The following ZNF407 variants were observed in gnomAD, a reference collection of about 807,000 sequenced individuals.
The protein encoded by ZNF407 is zinc finger protein 407.
Under a neutral mutation model 131.2 loss-of-function variants are expected in ZNF407, and 17 were observed. The observed-to-expected ratio is 0.13, with a 90% CI of 0.09 to 0.19. The LOEUF (loss-of-function observed/expected upper bound fraction) is 0.19. Among genes scored for constraint, ZNF407 ranks in the 10% least tolerant of loss-of-function variants. ZNF407 has a pLI of 1.00. For missense variants in ZNF407, 2,681 were observed against 2,830.6 expected (o/e 0.95, Z 1.20); for synonymous variants, 1,156 against 1,062.0 (o/e 1.09, Z -1.72).
At position 74,803,946 on chromosome 18, in the gene ZNF407, G is replaced by C. The variant is rs574501904; in HGVS notation, c.4877+22444G>C. The C allele has an allele frequency of 2.6e-6, 4 of 1,550,188 alleles. No individual in the cohort carries two copies. In the African/African-American group the frequency reaches 4.1e-5, roughly 16 times the overall value. On this transcript the variant is annotated intron_variant, in intron 4 of 8. Transcript: ENST00000299687. ...AAACATGAAGCAATTTAACAAACTT[G>C]ATTGTCCTTGGCTTCAGAGTAAAGG...
At chr18:74,777,463 T>C (rs1969496675) in intron 3 of ZNF407, among the ~76,000 whole-genome samples, 1 of 152,174 alleles carries the variant, frequency 6.6e-6, no homozygotes, top group Non-Finnish European at 1.5e-5. Context: ...GTTGGCCTCC[T>C]GTTCCACGGG....
At chr18:74,623,343 A>AGTGT (rs1983643593) in intron 1 of ZNF407, among the ~76,000 whole-genome samples, 1 of 150,176 alleles carries the variant, frequency 6.7e-6, no homozygotes, top group Non-Finnish European at 1.5e-5. Flanking sequence ...TGCATGTGTG[A>AGTGT]GTGTGAGTGC....
At chr18:74,616,314 A>C (rs1983287185) in intron 1 of ZNF407, among the ~76,000 whole-genome samples, 1 of 152,214 alleles carries the variant, frequency 6.6e-6, no homozygotes, top group African/African-American at 2.4e-5. Context: ...TGTACTAGGA[A>C]AGGTATAATT....
intron 8 of ZNF407, among the ~76,000 whole-genome samples, chr18:75,058,568 G>A (rs190323361): frequency 2.5e-4 from 38 of 152,262 alleles, no homozygotes; most frequent in African/African-American, 7.0e-4. Flanking sequence ...TAAAGGTACC[G>A]TAATACAAAT....
chr18:74,953,921 C>T (rs4243292), intron 8 of ZNF407, among the ~76,000 whole-genome samples: 20,732 of 151,790 alleles, frequency 0.14, 1,650 homozygotes, highest in Admixed American at 0.26. Context: ...TAATGGGAGG[C>T]GAGAAAAAAC....
intron 7 of ZNF407, 41 bp downstream of exon 7, chr18:74,890,079 C>G: frequency 6.9e-7 from 1 of 1,446,392 alleles, no homozygotes. Flanking sequence ...GGTGGGCCGC[C>G]ATGATGGATT....
At chr18:74,802,233 C>T (rs1458945155) in intron 4 of ZNF407, among the ~76,000 whole-genome samples, 2 of 152,052 alleles carry the variant, frequency 1.3e-5, no homozygotes, top group African/African-American at 2.4e-5. Flanking sequence ...GGCATTATTC[C>T]ATGTCAATTT....
At chr18:74,663,889 A>G (rs1985821642) in intron 3 of ZNF407, among the ~76,000 whole-genome samples, 6 of 152,218 alleles carry the variant, frequency 3.9e-5, no homozygotes, top group Admixed American at 3.9e-4. Flanking sequence ...CCAGATGACC[A>G]AACTACGGCC....
intron 3 of ZNF407, among the ~76,000 whole-genome samples, chr18:74,720,911 A>AGT (rs1968016787): frequency 7.0e-6 from 1 of 143,296 alleles, no homozygotes; most frequent in East Asian, 2.1e-4. Flanking sequence ...GAAGTCTGGT[A>AGT]GTGCGATACC....
intron 4 of ZNF407, among the ~76,000 whole-genome samples, chr18:74,822,686 A>T (rs1476635141): frequency 6.6e-6 from 1 of 152,198 alleles, no homozygotes; most frequent in Non-Finnish European, 1.5e-5. Flanking sequence ...TATAATTTGA[A>T]GTCAGGTAGC....
intron 8 of ZNF407, among the ~76,000 whole-genome samples, chr18:74,934,467 C>T (rs566824036): frequency 8.1e-4 from 123 of 152,254 alleles, no homozygotes; most frequent in African/African-American, 2.8e-3. Context: ...GAAACAACAT[C>T]GCAAGCTAAA....
intron 3 of ZNF407, among the ~76,000 whole-genome samples, chr18:74,741,371 TATAC>T (rs990820223): frequency 6.6e-6 from 1 of 152,130 alleles, no homozygotes; most frequent in African/African-American, 2.4e-5. Context: ...TACATATACA[TATAC>T]ATAAGTAAAT....
intron 8 of ZNF407, among the ~76,000 whole-genome samples, chr18:75,043,406 G>C (rs946461913): frequency 2.0e-5 from 3 of 152,164 alleles, no homozygotes; most frequent in Non-Finnish European, 4.4e-5. Context: ...CTACATAACA[G>C]CCTGCCAGAT....
In ZNF407 at chr18:74,908,636, C is replaced by T. The variant is rs1030080855; in HGVS notation, c.5250-11878C>T. ...GTTCTTTATTCTTGTAGCTTTTAAC[C>T]GATTTTAAATTTAAACAGCACAAAT... On this transcript the variant is annotated intron_variant, in intron 7 of 8. Transcript: ENST00000299687. Among the ~76,000 whole-genome samples, 10 of 152,116 alleles carry T rather than the reference C, an allele frequency of 6.6e-5. No homozygotes were observed. The South Asian group carries it at 1.0e-3, about 16-fold the overall frequency.
At chr18:74,989,451 C>T (rs1972692402) in intron 8 of ZNF407, among the ~76,000 whole-genome samples, 1 of 152,232 alleles carries the variant, frequency 6.6e-6, no homozygotes, top group African/African-American at 2.4e-5. Context: ...GTATATCACA[C>T]AGACCTCATA....
At chr18:74,739,837 A>G (rs1364297240) in intron 3 of ZNF407, among the ~76,000 whole-genome samples, 2 of 152,166 alleles carry the variant, frequency 1.3e-5, no homozygotes, top group Admixed American at 1.3e-4. Flanking sequence ...GAATTAGGGG[A>G]AATTCTATAC....
Position 75,048,049 on chromosome 18 carries a change from A to G in ZNF407, c.5429-15101A>G, listed in dbSNP as rs754307545. On this transcript the variant is annotated intron_variant, in intron 8 of 8. Coordinates refer to ENST00000299687, the MANE Select transcript of ZNF407 (RefSeq NM_017757.3). The surrounding 1 kb of genome is among the most constrained non-coding windows in gnomAD (Gnocchi z 4.1). ...CAGACAGCCTTATATTGGTTTTTATATAGAATATGGCACGTGTTGGTATTC... is the reference window on the plus strand; with the variant it reads ...CAGACAGCCTTATATTGGTTTTTATGTAGAATATGGCACGTGTTGGTATTC... Among the ~76,000 whole-genome samples the G allele has an allele frequency of 2.0e-5, 3 of 152,202 alleles. No individual in the cohort carries two copies. The highest frequency in any genetic ancestry group is 6.5e-5 in the Admixed American group (1 of 15,280).
chr18:74,769,070 C>T (rs914833464), intron 3 of ZNF407, among the ~76,000 whole-genome samples: 1 of 152,116 alleles, frequency 6.6e-6, no homozygotes, highest in Admixed American at 6.5e-5. Context: ...GTGCTAGGCA[C>T]TACAGTAAGT....
In ZNF407 at chr18:75,024,634, T is replaced by G. The variant is rs115519123; in HGVS notation, c.5429-38516T>G. On this transcript the variant is annotated intron_variant, in intron 8 of 8. Coordinates refer to ENST00000299687, the MANE Select transcript of ZNF407 (RefSeq NM_017757.3). ...GTAATGGTGTATATTTTTAAAGGAA[T>G]TATCTTGAATAATTTCATCTCATAG... Among the ~76,000 whole-genome samples the G allele has an allele frequency of 3.5e-3, 534 of 152,346 alleles. 4 individuals carry two copies. Among genetic ancestry groups the G allele is most frequent in the African/African-American group, 0.012 (502 of 41,580 alleles).
Sources: allele counts gnomAD v4.1 joint callset (sites outside exome capture counted in the v4.1 genomes callset), GRCh38; gene constraint gnomAD v4.1.1; non-coding constraint Gnocchi (gnomAD v3.1); transcripts MANE v1.5; gene names NCBI Gene and HGNC (gene_info 2026-07-23, HGNC 2026-07-21).